The following C11orf54 variants were observed in gnomAD, a reference collection of about 807,000 sequenced individuals.
The protein encoded by C11orf54 is beta-keto-L-gulonate decarboxylase, also known as beta-keto L-gulonate decarboxylase.
Under a neutral mutation model 35.5 loss-of-function variants are expected in C11orf54, and 29 were observed. The ratio of observed to expected loss-of-function variants is 0.82; its 90% confidence interval spans 0.61 to 1.11. The LOEUF (loss-of-function observed/expected upper bound fraction) is 1.11. C11orf54 is among the 50% of genes most tolerant of loss of function. The probability of loss-of-function intolerance (pLI) is 0.00; values close to 1 mark genes in which losing one functional copy is unlikely to be tolerated. For synonymous variants in C11orf54, 108 were observed against 121.1 expected (o/e 0.89, Z 0.71); for missense variants, 373 against 369.2 (o/e 1.01, Z -0.08).
In C11orf54 at chr11:93,761,888, A is replaced by G; in HGVS notation, c.*200A>G. ...AGTTTGAGACCAGCTTGGGCAACAT[A>G]GCAAGACCCTGTCTATTTTTTTAAA... On this transcript the variant is annotated 3_prime_UTR_variant, in exon 9 of 9. Transcript: ENST00000354421. 5.2e-6 allele frequency: 2 copies of G among 388,218 alleles called. No individual in the cohort carries two copies. The highest frequency in any genetic ancestry group is 8.9e-6 in the Non-Finnish European group (2 of 224,328). The allele number at this position is 388,218 out of a possible 1,614,324, so 24.0% of individuals were successfully genotyped here. A position where few individuals can be genotyped will look rare whatever the true frequency, so the allele number is the denominator to read the frequency against.
rs766920776 is a variant in C11orf54, at chr11:93,757,248, TATA to T, written c.508-65_508-63del. The T allele has an allele frequency of 1.2e-4, 172 of 1,481,622 alleles. 1 individual carries two copies. The highest frequency in any genetic ancestry group is 4.8e-4 in the Admixed American group (23 of 48,262). 91.8% of individuals were successfully genotyped at this position (1,481,622 alleles called of 1,614,324 possible). A position where few individuals can be genotyped will look rare whatever the true frequency, so the allele number is the denominator to read the frequency against. On this transcript the variant is annotated intron_variant, in intron 6 of 8. Transcript: ENST00000354421. ...ATATTTGCTTGATAGAATTAAATTA[TATA>T]ATGTTTTATTTCAGTAGTTATTTTG...
In C11orf54 at chr11:93,762,213, A is replaced by T. The variant is rs1685282217; in HGVS notation, c.*525A>T. The T allele has an allele frequency of 6.6e-6, 1 of 152,316 alleles. No homozygotes were observed. The highest frequency in any genetic ancestry group is 1.9e-4 in the East Asian group (1 of 5,188). The allele number at this position is 152,316 out of a possible 1,614,324, so 9.4% of individuals were successfully genotyped here. A position where few individuals can be genotyped will look rare whatever the true frequency, so the allele number is the denominator to read the frequency against. ...TTTGTATAACATTATTACATTTTGC[A>T]AATTAGTATCACAACTGCTAAGTAG... On this transcript the variant is annotated 3_prime_UTR_variant, in exon 9 of 9. Coordinates refer to ENST00000354421, the MANE Select transcript of C11orf54 (RefSeq NM_001286069.2).
chr11:93,751,431 A>G (rs1253024808), intron 3 of C11orf54, among the ~76,000 whole-genome samples: 1 of 113,520 alleles, frequency 8.8e-6, no homozygotes, highest in South Asian at 2.9e-4. Flanking sequence ...TTTGAGACAG[A>G]GTCTCACTCT....
rs1180601249 is a variant in C11orf54, at chr11:93,747,129, T to A, written c.-97-168T>A. ...CTTGTTTCTATTAAAAAATTAGTTT[T>A]AAATTTTAAATTACAATAAAATAAA... is the stretch of plus-strand genomic sequence containing the variant. On this transcript the variant is annotated intron_variant, in intron 1 of 8. Transcript: ENST00000354421. 3 of 257,084 alleles carry A rather than the reference T, an allele frequency of 1.2e-5. No homozygotes were observed. The East Asian group carries it at 2.1e-4, about 18-fold the overall frequency. 15.9% of individuals were successfully genotyped at this position (257,084 alleles called of 1,614,324 possible). A position where few individuals can be genotyped will look rare whatever the true frequency, so the allele number is the denominator to read the frequency against.
At chr11:93,749,376 G>A (rs990923679) in intron 2 of C11orf54, among the ~76,000 whole-genome samples, 2 of 151,834 alleles carry the variant, frequency 1.3e-5, no homozygotes. Context: ...CAGCTACTGG[G>A]GAGTTTGAGG....
chr11:93,758,668 C>T (rs1400646485), intron 7 of C11orf54, among the ~76,000 whole-genome samples: 2 of 152,244 alleles, frequency 1.3e-5, no homozygotes, highest in Non-Finnish European at 2.9e-5. Context: ...ACACACCAGC[C>T]CCCTGCCGTC....
chr11:93,749,905 T>C (rs1372825803), intron 2 of C11orf54, among the ~76,000 whole-genome samples: 2 of 152,244 alleles, frequency 1.3e-5, no homozygotes, highest in East Asian at 3.8e-4. Flanking sequence ...CCATTGCCTG[T>C]TTCTGAGATG....
At position 93,759,758 on chromosome 11, in the gene C11orf54, C is replaced by G; in HGVS notation, c.674C>G (p.Ser225Cys). 1 of 1,599,570 alleles carries G rather than the reference C, an allele frequency of 6.3e-7. No individual in the cohort carries two copies. The highest frequency in any genetic ancestry group is 8.5e-7 in the Non-Finnish European group (1 of 1,170,688). ...TTGTTGTAGCCTGCAGAATTTTCTT[C>G]CTGCCCCTTGAACTCTGATGAAGAA... The part of the protein sequence containing the change: ...KSHIMPAEFS[S>C]CPLNSDEEVN... Residue 225 changes from serine (S) to cysteine (C), a missense_variant, in exon 8 of 9, where the codon TCC becomes TGC. Transcript: ENST00000354421.
chr11:93,759,865 CTG>C lies in C11orf54; in HGVS notation c.774+11_774+12del, dbSNP rs1244357979. The stretch of plus-strand genomic sequence containing the variant: ...TTTTGTCTCCAGAGACCCAGTAAGT[CTG>C]TGTCTGTTTTTTATATTATACTACA... On this transcript the variant is annotated splice_region_variant and intron_variant, in intron 8 of 8. Transcript: ENST00000354421. The C allele has an allele frequency of 6.6e-7, 1 of 1,507,596 alleles. No homozygotes were observed. The highest frequency in any genetic ancestry group is 1.4e-5 in the African/African-American group (1 of 72,468). The allele number at this position is 1,507,596 out of a possible 1,614,324, so 93.4% of individuals were successfully genotyped here. A position where few individuals can be genotyped will look rare whatever the true frequency, so the allele number is the denominator to read the frequency against.
chr11:93,759,396 C>T (rs1364673979), intron 7 of C11orf54, among the ~76,000 whole-genome samples: 4 of 152,070 alleles, frequency 2.6e-5, no homozygotes, highest in African/African-American at 9.7e-5. Context: ...ATCACAAGAT[C>T]AGAAAACCAA....
intron 2 of C11orf54, among the ~76,000 whole-genome samples, chr11:93,750,014 TACTTTTTAA>T (rs1210742229): frequency 1.3e-5 from 2 of 151,286 alleles, no homozygotes; most frequent in African/African-American, 4.8e-5. Flanking sequence ...TGTGATTGCT[TACTTTTTAA>T]AAAGTTTAAA....
chr11:93,755,373 G>T lies in C11orf54; in HGVS notation c.494G>T (p.Gly165Val). 1 of 1,613,760 alleles carries T rather than the reference G, an allele frequency of 6.2e-7. No individual in the cohort carries two copies. The highest frequency in any genetic ancestry group is 1.1e-5 in the South Asian group (1 of 91,022). ...ALLANLFASE[G>V]QPGKVIEVKA... The stretch of plus-strand genomic sequence containing the variant: ...CTGGCTAATCTTTTTGCCAGTGAAG[G>T]CCAACCTGGCAAGGTGATTGTGTCC... Residue 165 changes from glycine to valine, a missense_variant, in exon 6 of 9, where the codon GGC becomes GTC. Physicochemically the swap from Gly to Val is moderately radical, Grantham distance 109. Coordinates refer to ENST00000354421, the MANE Select transcript of C11orf54 (RefSeq NM_001286069.2).
intron 8 of C11orf54, among the ~76,000 whole-genome samples, chr11:93,761,064 T>C (rs984283356): frequency 6.6e-6 from 1 of 152,206 alleles, no homozygotes; most frequent in Non-Finnish European, 1.5e-5. Context: ...AGTATTGTTG[T>C]AGTAGCAAAA....
At position 93,753,732 on chromosome 11, in the gene C11orf54, T is replaced by C. The variant is rs745800935; in HGVS notation, c.205T>C (p.Leu69=). 1.9e-6 allele frequency: 3 copies of C among 1,614,002 alleles called. No individual in the cohort carries two copies. The highest frequency in any genetic ancestry group is 2.5e-6 in the Non-Finnish European group (3 of 1,179,992). Residue 69 remains leucine (L), a synonymous_variant, in exon 4 of 9, where the codon TTG becomes CTG. Transcript: ENST00000354421. The part of the protein sequence containing the change: ...IAEVGGVPYL[L]PLVNQKKVYD... The stretch of plus-strand genomic sequence containing the variant: ...AGAAGTTGGAGGTGTGCCTTACTTA[T>C]TGCCTCTTGTAAACCAAAAAAAAGT...
In C11orf54 at chr11:93,764,288, C is replaced by G. The variant is rs1237133524; in HGVS notation, c.*2600C>G. ...CAGGTCAGATTCCAGGTGTAGAGAT[C>G]ATCTGAAGCAGTCCTGGGCCTCTTC... On this transcript the variant is annotated 3_prime_UTR_variant, in exon 9 of 9. Coordinates refer to ENST00000354421, the MANE Select transcript of C11orf54 (RefSeq NM_001286069.2). The G allele has an allele frequency of 6.6e-6, 1 of 152,188 alleles. No homozygotes were observed. The highest frequency in any genetic ancestry group is 2.4e-5 in the African/African-American group (1 of 41,438). 9.4% of individuals were successfully genotyped at this position (152,188 alleles called of 1,614,324 possible).
At chr11:93,747,689 T>C (rs1384901271) in intron 2 of C11orf54, among the ~76,000 whole-genome samples, 2 of 152,334 alleles carry the variant, frequency 1.3e-5, no homozygotes, top group Admixed American at 1.3e-4. Context: ...CTTTTTTCTT[T>C]CACTTATAGA....
chr11:93,758,716 A>G (rs539276020), intron 7 of C11orf54, among the ~76,000 whole-genome samples: 2 of 152,374 alleles, frequency 1.3e-5, no homozygotes, highest in South Asian at 2.1e-4. Context: ...ACACGAGCGT[A>G]GAAGGGAAGC....
In C11orf54 at chr11:93,758,916, A is replaced by G. The variant is rs1221702802; in HGVS notation, c.658-826A>G. ...GGCCCAGCTGCCAATCCCACACACC[A>G]GAGTGGAAACTTGTGGTGCTTTTTC... On this transcript the variant is annotated intron_variant, in intron 7 of 8. Transcript: ENST00000354421. Among the ~76,000 whole-genome samples, 5 of 152,248 alleles carry G rather than the reference A, an allele frequency of 3.3e-5. No homozygotes were observed. In the East Asian group the frequency reaches 7.7e-4, roughly 23 times the overall value.
intron 2 of C11orf54, among the ~76,000 whole-genome samples, chr11:93,748,780 G>A (rs930932239): frequency 4.0e-5 from 6 of 150,962 alleles, no homozygotes; most frequent in Non-Finnish European, 8.8e-5. Context: ...AAGTTACGTT[G>A]AGCCAAGATC....
Sources: allele counts gnomAD v4.1 joint callset (sites outside exome capture counted in the v4.1 genomes callset), GRCh38; gene constraint gnomAD v4.1.1; transcripts MANE v1.5; gene names NCBI Gene and HGNC (gene_info 2026-07-23, HGNC 2026-07-21).